Variants in IL1RAPL2 observed in about 807,000 individuals in gnomAD.
IL1RAPL2 encodes X-linked interleukin-1 receptor accessory protein-like 2.
A neutral mutation model predicts 44.1 loss-of-function variants in IL1RAPL2; 3 were observed. The observed-to-expected ratio is 0.07, with a 90% CI of 0.03 to 0.18. The LOEUF (loss-of-function observed/expected upper bound fraction) is 0.18. Among genes scored for constraint, IL1RAPL2 ranks in the 10% least tolerant of loss-of-function variants. The pLI is 1.00. For missense variants in IL1RAPL2, 391 were observed against 496.4 expected, an observed-to-expected ratio of 0.79 and a Z score of 2.02; for synonymous variants, 181 against 178.8, an observed-to-expected ratio of 1.01 and a Z score of -0.10.
intron 6 of IL1RAPL2, among the ~76,000 whole-genome samples, chrX:105,641,400 T>G (rs954856962): frequency 1.1e-4 from 12 of 111,045 alleles, no homozygotes; most frequent in Non-Finnish European, 2.1e-4. Flanking sequence ...CTATTAATAG[T>G]AGAAACCAGA....
At chrX:104,641,000 G>A (rs1483664849) in intron 1 of IL1RAPL2, among the ~76,000 whole-genome samples, 1 of 112,206 alleles carries the variant, frequency 8.9e-6, no homozygotes, top group Non-Finnish European at 1.9e-5. Flanking sequence ...TCAGATGCCA[G>A]CTGTGTCAGC....
intron 2 of IL1RAPL2, among the ~76,000 whole-genome samples, chrX:104,720,138 T>G (rs1382152013): frequency 8.9e-6 from 1 of 111,805 alleles, no homozygotes; most frequent in East Asian, 2.8e-4. Flanking sequence ...ATGCTTATTT[T>G]TGGTTGCCAT....
At chrX:105,057,231 T>A (rs1328208662) in intron 2 of IL1RAPL2, among the ~76,000 whole-genome samples, 1 of 112,484 alleles carries the variant, frequency 8.9e-6, no homozygotes, top group African/African-American at 3.2e-5. Flanking sequence ...AAGGTTTTAC[T>A]GTGTATTCTT....
At position 104,864,420 on chromosome X, in the gene IL1RAPL2, T is replaced by C. The variant is rs756533362; in HGVS notation, c.82+205425T>C. ...GAAAGTGGCAGAGAAACTGTTTAAG[T>C]TGGGAAAAGATACAAAGTCAAAACA... On this transcript the variant is annotated intron_variant, in intron 2 of 10. Transcript: ENST00000372582. Among the ~76,000 whole-genome samples the C allele has an allele frequency of 7.1e-5, 8 of 112,310 alleles. No homozygotes were observed. In the South Asian group the frequency reaches 3.0e-3, roughly 42 times the overall value.
intron 6 of IL1RAPL2, among the ~76,000 whole-genome samples, chrX:105,603,721 A>G (rs2037271839): frequency 1.8e-5 from 2 of 111,855 alleles, no homozygotes; most frequent in South Asian, 7.4e-4. Flanking sequence ...GATACAGAAT[A>G]CATATTCTTC....
intron 2 of IL1RAPL2, among the ~76,000 whole-genome samples, chrX:105,128,745 G>T (rs766202524): frequency 1.8e-5 from 2 of 110,972 alleles, no homozygotes; most frequent in East Asian, 5.7e-4. Flanking sequence ...TCCTTGCATT[G>T]CCCTCTAGTG....
chrX:105,391,391 A>G (rs185883751), intron 5 of IL1RAPL2, among the ~76,000 whole-genome samples: 1 of 108,433 alleles, frequency 9.2e-6, no homozygotes, highest in Admixed American at 1.0e-4. Context: ...AACACATGAA[A>G]AAATGCTCAC....
intron 2 of IL1RAPL2, among the ~76,000 whole-genome samples, chrX:104,918,496 A>G (rs1016420041): frequency 4.5e-5 from 5 of 112,224 alleles, no homozygotes; most frequent in African/African-American, 6.5e-5. Flanking sequence ...TTAACACACT[A>G]TATTTAATAC....
intron 5 of IL1RAPL2, among the ~76,000 whole-genome samples, chrX:105,364,687 T>A (rs1813588529): frequency 9.0e-6 from 1 of 111,143 alleles, no homozygotes; most frequent in Non-Finnish European, 1.9e-5. Flanking sequence ...AATGACGTTT[T>A]AAAAAAAATC....
At chrX:104,634,244 G>C (rs1380713361) in intron 1 of IL1RAPL2, among the ~76,000 whole-genome samples, 1 of 111,635 alleles carries the variant, frequency 9.0e-6, no homozygotes, top group Admixed American at 9.6e-5. Flanking sequence ...TACATTTGCT[G>C]AGGAGTGGTT....
At chrX:105,610,904 G>A (rs961582181) in intron 6 of IL1RAPL2, among the ~76,000 whole-genome samples, 3 of 111,341 alleles carry the variant, frequency 2.7e-5, no homozygotes, top group Non-Finnish European at 3.8e-5. Context: ...AACAGCCTCA[G>A]GCAGGTCTTT....
At chrX:105,427,339 C>A (rs1429668740) in intron 5 of IL1RAPL2, among the ~76,000 whole-genome samples, 1 of 112,051 alleles carries the variant, frequency 8.9e-6, no homozygotes, top group African/African-American at 3.2e-5. Flanking sequence ...ACTTCAGCAG[C>A]TGTTGTCTCT....
rs774576509 is a variant in IL1RAPL2 at position 105,272,436 on chromosome X, A to G, written c.697+4895A>G. 2.0e-3 allele frequency among the ~76,000 whole-genome samples: 225 copies of G among 112,108 alleles called. 1 individual carries two copies. The highest frequency in any genetic ancestry group is 2.9e-3 in the Non-Finnish European group (152 of 53,204). On this transcript the variant is annotated intron_variant, in intron 5 of 10. Transcript: ENST00000372582. ...AATACATGCTTTTATGCAGCTTTTT[A>G]GACATGAGCATTAGCTACTTAGAAG...
chrX:105,576,985 C>T (rs529061479), intron 6 of IL1RAPL2, among the ~76,000 whole-genome samples: 3 of 111,201 alleles, frequency 2.7e-5, no homozygotes, highest in South Asian at 7.6e-4. Context: ...AAAAAAATTA[C>T]TCTATTTTAT....
chrX:105,321,275 A>G (rs1465606864), intron 5 of IL1RAPL2, among the ~76,000 whole-genome samples: 3 of 111,867 alleles, frequency 2.7e-5, no homozygotes, highest in Admixed American at 9.5e-5. Context: ...TTTAGAAGAG[A>G]CAACTGAAGC....
chrX:104,744,753 ATTTC>A lies in IL1RAPL2; in HGVS notation c.82+85762_82+85765del, dbSNP rs200987571. Among the ~76,000 whole-genome samples the A allele has an allele frequency of 7.3e-3, 815 of 111,110 alleles. 12 individuals are homozygous for A. The highest frequency in any genetic ancestry group is 0.025 in the African/African-American group (765 of 30,668). On this transcript the variant is annotated intron_variant, in intron 2 of 10. Coordinates refer to ENST00000372582, the MANE Select transcript of IL1RAPL2 (RefSeq NM_017416.2). ...TGTGTCTTTTAAAACTTTACTTTTG[ATTTC>A]TTTATCTAGATTTTATTATAATTAA...
At chrX:105,212,017 T>G (rs1468544831) in intron 3 of IL1RAPL2, among the ~76,000 whole-genome samples, 1 of 112,169 alleles carries the variant, frequency 8.9e-6, no homozygotes, top group Admixed American at 9.4e-5. Flanking sequence ...GCCCTGGGTT[T>G]CAAGCACAAA....
At chrX:105,484,644 T>C (rs1216288182) in intron 6 of IL1RAPL2, among the ~76,000 whole-genome samples, 1 of 112,064 alleles carries the variant, frequency 8.9e-6, no homozygotes, top group African/African-American at 3.2e-5. Flanking sequence ...AATTCTGTGA[T>C]TGATAGATTC....
At chrX:105,086,187 CA>C (rs1313894512) in intron 2 of IL1RAPL2, among the ~76,000 whole-genome samples, 1 of 111,284 alleles carries the variant, frequency 9.0e-6, no homozygotes. Context: ...TCATAATAAC[CA>C]ATATATGGAA....
Sources: gnomAD v4.1 joint callset for allele counts (sites outside exome capture counted in the v4.1 genomes callset) on GRCh38, gnomAD v4.1.1 for gene constraint, MANE v1.5 for transcripts, NCBI Gene and HGNC (gene_info 2026-07-23, HGNC 2026-07-21) for gene names.